RBFOX2: variants seen among roughly 807,000 people sequenced by gnomAD.
The protein encoded by RBFOX2 is RNA binding fox-1 homolog 2, also known as RNA binding protein fox-1 homolog 2.
Under a neutral mutation model 49.1 loss-of-function variants are expected in RBFOX2, and 10 were observed. The observed-to-expected ratio is 0.20, with a 90% confidence interval of 0.13 to 0.35. The LOEUF is 0.35. Among genes scored for constraint, RBFOX2 ranks in the 10% least tolerant of loss-of-function variants. RBFOX2 has a pLI of 1.00. For missense variants in RBFOX2, 323 were observed against 486.9 expected, an observed-to-expected ratio of 0.66 and a Z score of 3.17; for synonymous variants, 183 against 187.4, an observed-to-expected ratio of 0.98 and a Z score of 0.19.
intron 1 of RBFOX2, among the ~76,000 whole-genome samples, chr22:35,910,217 C>A (rs1233479542): frequency 6.6e-6 from 1 of 152,112 alleles, no homozygotes; most frequent in Non-Finnish European, 1.5e-5. Context: ...ACACATTGTA[C>A]GTGAGTCATA....
rs557756379 is a variant in RBFOX2, at chr22:36,022,141, T to A, written c.186+6099A>T. Among the ~76,000 whole-genome samples the A allele has an allele frequency of 1.0e-3, 159 of 152,338 alleles. 1 individual carries two copies. Among genetic ancestry groups the A allele is most frequent in the African/African-American group, 3.7e-3 (152 of 41,576 alleles). ...CAAAAATTCAAAGAAATCTGCTTAC[T>A]AAAATGACTGTCTTTTTCTACAAAT... On this transcript the variant is annotated intron_variant, in intron 1 of 13. Coordinates refer to the RBFOX2 transcript ENST00000438146.
At chr22:35,747,442 C>CCTCT (rs1298151210) in intron 9 of RBFOX2, 1 of 152,178 alleles carries the variant, frequency 6.6e-6, no homozygotes, top group East Asian at 1.9e-4. Flanking sequence ...GTCCAAATAT[C>CCTCT]CTCTCAGTCC....
At chr22:35,966,129 C>T (rs1373806433), upstream of RBFOX2, among the ~76,000 whole-genome samples, 1 of 152,204 alleles carries the variant, frequency 6.6e-6, no homozygotes, top group Non-Finnish European at 1.5e-5. Context: ...TGGAATTGCA[C>T]ATTATGCATT....
intron 1 of RBFOX2, among the ~76,000 whole-genome samples, chr22:35,922,653 A>T (rs539827613): frequency 6.6e-6 from 1 of 152,318 alleles, no homozygotes; most frequent in Non-Finnish European, 1.5e-5. Context: ...CACACAGACT[A>T]CCAGCTAAGA....
At chr22:35,789,150 A>C (rs971608829) in intron 2 of RBFOX2, among the ~76,000 whole-genome samples, 2 of 152,064 alleles carry the variant, frequency 1.3e-5, no homozygotes, top group African/African-American at 4.8e-5. Flanking sequence ...TGAGACAGTG[A>C]TATTTCTTTA....
At chr22:35,950,931 T>C (rs2149839891) in intron 1 of RBFOX2, among the ~76,000 whole-genome samples, 1 of 151,654 alleles carries the variant, frequency 6.6e-6, no homozygotes, top group East Asian at 1.9e-4. Flanking sequence ...ATTATTTCAG[T>C]CTCCTCTTAT....
intron 1 of RBFOX2, among the ~76,000 whole-genome samples, chr22:35,852,771 T>C (rs908909207): frequency 2.6e-5 from 4 of 152,152 alleles, no homozygotes; most frequent in Admixed American, 6.5e-5. Flanking sequence ...AACTTAAACT[T>C]CAAGAGTTAA....
At chr22:35,874,410 G>T (rs1034570153) in intron 1 of RBFOX2, among the ~76,000 whole-genome samples, 6 of 152,020 alleles carry the variant, frequency 3.9e-5, no homozygotes, top group Non-Finnish European at 7.4e-5. Context: ...TCAAAAACAT[G>T]TCCAATTCAG....
intron 2 of RBFOX2, among the ~76,000 whole-genome samples, chr22:35,804,338 A>AT (rs2147964445): frequency 1.3e-5 from 2 of 152,202 alleles, no homozygotes; most frequent in African/African-American, 4.8e-5. Context: ...GGAAAAAAAA[A>AT]TTTGAAGAAA....
chr22:35,783,471 A>G (rs1945659775), intron 2 of RBFOX2, among the ~76,000 whole-genome samples: 1 of 142,446 alleles, frequency 7.0e-6, no homozygotes, highest in Non-Finnish European at 1.5e-5. Context: ...AAGAGTCTGC[A>G]TTTTGGGTGT....
chr22:35,758,424 T>C (rs1937565452), intron 9 of RBFOX2, among the ~76,000 whole-genome samples: 1 of 152,180 alleles, frequency 6.6e-6, no homozygotes, highest in Non-Finnish European at 1.5e-5. Context: ...TCTTTGCAAA[T>C]ATGACAGTAA....
chr22:35,862,879 T>C (rs2043253849), intron 1 of RBFOX2, among the ~76,000 whole-genome samples: 1 of 152,212 alleles, frequency 6.6e-6, no homozygotes, highest in African/African-American at 2.4e-5. Flanking sequence ...AGGCCTGGCA[T>C]ATACTGATTA....
rs574733404 is a variant in RBFOX2 at position 35,799,362 on chromosome 22, T to C, written c.252+10418A>G. On this transcript the variant is annotated intron_variant, in intron 2 of 11. Transcript: ENST00000405409. Reference sequence around the variant, plus strand: ...GGTGGTAGACCCCTAACTGCTTACCTCTTTTGCTAATGCACAGTATGGGAC... The same window carrying C: ...GGTGGTAGACCCCTAACTGCTTACCCCTTTTGCTAATGCACAGTATGGGAC... Among the ~76,000 whole-genome samples the C allele has an allele frequency of 9.5e-4, 144 of 152,326 alleles. 1 individual carries two copies. Among genetic ancestry groups the C allele is most frequent in the African/African-American group, 3.4e-3 (140 of 41,584 alleles).
At chr22:35,967,009 A>G (rs1023335162) in intron 1 of RBFOX2, among the ~76,000 whole-genome samples, 2 of 151,690 alleles carry the variant, frequency 1.3e-5, no homozygotes, top group African/African-American at 4.8e-5. Flanking sequence ...TGTAGAGATG[A>G]GGTCTTACTA....
chr22:35,968,886 C>T (rs373376361), intron 1 of RBFOX2, among the ~76,000 whole-genome samples: 3 of 152,162 alleles, frequency 2.0e-5, no homozygotes, highest in East Asian at 3.8e-4. Context: ...TTGCTTCACC[C>T]CATCAATTCC....
chr22:35,813,344 A>G (rs940802326), intron 1 of RBFOX2, among the ~76,000 whole-genome samples: 2 of 152,240 alleles, frequency 1.3e-5, no homozygotes, highest in African/African-American at 2.4e-5. Flanking sequence ...AAACTATGAG[A>G]TAACAGTTCA....
In RBFOX2 at chr22:35,749,355, T is replaced by C. The variant is rs1934027476; in HGVS notation, c.888-2794A>G. 6.6e-6 allele frequency among the ~76,000 whole-genome samples: 1 copy of C among 152,222 alleles called. No homozygotes were observed. Among genetic ancestry groups the C allele is most frequent in the South Asian group, 2.1e-4 (1 of 4,830 alleles). ...CATGATTATTCTCCTGATTACTTTA[T>C]AATAATGGCATTACAGAGAAACCTT... On this transcript the variant is annotated intron_variant, in intron 9 of 11. Coordinates refer to ENST00000405409, the Ensembl canonical transcript of RBFOX2. The surrounding 1 kb of genome is among the most constrained non-coding windows in gnomAD (Gnocchi z 4.1).
intron 1 of RBFOX2, among the ~76,000 whole-genome samples, chr22:35,829,754 A>T (rs1956444309): frequency 6.6e-6 from 1 of 152,204 alleles, no homozygotes; most frequent in Admixed American, 6.5e-5. Flanking sequence ...TCAATATACC[A>T]CATTTGGTAT....
At chr22:35,962,685 A>G (rs5756016), upstream of RBFOX2, among the ~76,000 whole-genome samples, 8,611 of 152,174 alleles carry the variant, frequency 0.057, 319 homozygotes, top group South Asian at 0.085. Context: ...ACACCAGCCA[A>G]TTTGTGACTA....
Sources: gnomAD v4.1 joint callset for allele counts (sites outside exome capture counted in the v4.1 genomes callset) on GRCh38, gnomAD v4.1.1 for gene constraint, Gnocchi (gnomAD v3.1) non-coding constraint, MANE v1.5 for transcripts, NCBI Gene and HGNC (gene_info 2026-07-23, HGNC 2026-07-21) for gene names.